The following CNTNAP3 variants were observed in gnomAD, a reference collection of about 807,000 sequenced individuals.
CNTNAP3 encodes the protein contactin associated protein family member 3.
Under a neutral mutation model 92.1 loss-of-function variants are expected in CNTNAP3, and 36 were observed. The ratio of observed to expected loss-of-function variants is 0.39; its 90% CI spans 0.30 to 0.52. The LOEUF is 0.52. CNTNAP3 is among the 20% of genes least tolerant of loss of function. The pLI, the probability that CNTNAP3 is intolerant of heterozygous loss-of-function variation, is 0.76. For synonymous variants in CNTNAP3, 232 were observed against 422.3 expected (o/e 0.55, Z 5.53); for missense variants, 534 against 1,069.6 (o/e 0.50, Z 6.98).
chr9:39,095,448 G>T (rs935343710), intron 18 of CNTNAP3, among the ~76,000 whole-genome samples: 1 of 150,274 alleles, frequency 6.7e-6, no homozygotes, highest in Non-Finnish European at 1.5e-5. Flanking sequence ...TTAATTGCAG[G>T]TTTTTCATAT....
intron 9 of CNTNAP3, among the ~76,000 whole-genome samples, chr9:39,156,306 G>GA (rs1821956872): frequency 7.4e-6 from 1 of 134,492 alleles, no homozygotes; most frequent in South Asian, 2.4e-4. Context: ...AAATTCACTG[G>GA]AAAAACTAGG....
At chr9:39,089,387 T>C (rs548945621) in intron 18 of CNTNAP3, among the ~76,000 whole-genome samples, 188 of 152,362 alleles carry the variant, frequency 1.2e-3, no homozygotes, top group African/African-American at 4.3e-3. Flanking sequence ...TATCAGTATT[T>C]TATGCGTTTT....
chr9:39,138,313 C>T (rs1304566814), intron 12 of CNTNAP3, among the ~76,000 whole-genome samples: 1 of 152,090 alleles, frequency 6.6e-6, no homozygotes, highest in East Asian at 1.9e-4. Flanking sequence ...GGTCTGAGTC[C>T]TTTAGGGAGC....
intron 18 of CNTNAP3, among the ~76,000 whole-genome samples, chr9:39,092,567 T>C (rs910490071): frequency 7.3e-6 from 1 of 137,692 alleles, no homozygotes; most frequent in Non-Finnish European, 1.6e-5. Flanking sequence ...TTTCATCTCA[T>C]TGTGTTTTAA....
chr9:39,133,370 A>C (rs1468183673), intron 12 of CNTNAP3, among the ~76,000 whole-genome samples: 3 of 152,142 alleles, frequency 2.0e-5, no homozygotes, highest in Admixed American at 2.0e-4. Context: ...TCACGCCTAA[A>C]AGTGTATCAT....
intron 13 of CNTNAP3, among the ~76,000 whole-genome samples, chr9:39,126,769 G>A (rs1821161604): frequency 1.3e-5 from 2 of 151,636 alleles, no homozygotes; most frequent in Admixed American, 1.3e-4. Context: ...GAAAACTGAT[G>A]GAGCAGAATG....
At chr9:39,136,225 G>C (rs369385955) in intron 12 of CNTNAP3, among the ~76,000 whole-genome samples, 9 of 151,802 alleles carry the variant, frequency 5.9e-5, no homozygotes, top group Non-Finnish European at 1.0e-4. Flanking sequence ...TAGTGAAGTC[G>C]CAATATTGTA....
rs550720684 is a variant in CNTNAP3, at chr9:39,111,742, C to T, written c.2238-2455G>A. Among the ~76,000 whole-genome samples the T allele has an allele frequency of 1.5e-4, 23 of 152,144 alleles. No homozygotes were observed. In the East Asian group the frequency reaches 4.4e-3, roughly 29 times the overall value. ...CTTGTATTTTAAAAGATCTATTTCA[C>T]GGGAGCTCCAAGTTTCATTCCATTT... On this transcript the variant is annotated intron_variant, in intron 14 of 23. Transcript: ENST00000297668.
intron 13 of CNTNAP3, among the ~76,000 whole-genome samples, chr9:39,124,819 C>T (rs1205325163): frequency 6.6e-6 from 1 of 152,164 alleles, no homozygotes; most frequent in African/African-American, 2.4e-5. Flanking sequence ...TACCATTTCA[C>T]ACCAGTTAGA....
chr9:39,133,101 G>T lies in CNTNAP3; in HGVS notation c.1911C>A (p.Gly637=). 6.4e-7 allele frequency: 1 copy of T among 1,573,554 alleles called. No homozygotes were observed. Among genetic ancestry groups the T allele is most frequent in the Non-Finnish European group, 8.6e-7 (1 of 1,165,734 alleles). Residue 637 remains glycine (G), a synonymous_variant, in exon 13 of 24, where the codon GGC becomes GGA. Transcript: ENST00000297668. ...CACCTCGGAGGGTCACCGCGTCGGG[G>T]CCACCGTGCTGCACCACCGTCCACG... The part of the protein sequence containing the change: ...DAAWTVVQHG[G]PDAVTLRGAP...
At chr9:39,131,499 C>T (rs1587723605) in intron 13 of CNTNAP3, among the ~76,000 whole-genome samples, 1 of 151,452 alleles carries the variant, frequency 6.6e-6, no homozygotes, top group South Asian at 2.1e-4. Context: ...ACCCAGATGC[C>T]GACTGCACAG....
intron 18 of CNTNAP3, among the ~76,000 whole-genome samples, chr9:39,096,563 C>G (rs1247655588): frequency 3.3e-5 from 5 of 151,058 alleles, no homozygotes; most frequent in Non-Finnish European, 7.4e-5. Context: ...AGGAACATTC[C>G]AGTTCCACTC....
intron 10 of CNTNAP3, among the ~76,000 whole-genome samples, chr9:39,146,261 G>A (rs1468104646): frequency 6.6e-6 from 1 of 152,128 alleles, no homozygotes; most frequent in Non-Finnish European, 1.5e-5. Flanking sequence ...AGGTGAGGAG[G>A]TGACGGAGGC....
intron 8 of CNTNAP3, among the ~76,000 whole-genome samples, chr9:39,168,173 C>G (rs930775428): frequency 6.2e-5 from 8 of 129,760 alleles, no homozygotes; most frequent in Non-Finnish European, 1.7e-5. Context: ...CCCGCCACCA[C>G]GCCTGGCTAA....
Position 39,067,396 on chromosome 9 carries a change from G to T in CNTNAP3, c.*6494C>A, listed in dbSNP as rs1398364257. Among the ~76,000 whole-genome samples the T allele has an allele frequency of 1.3e-3, 189 of 150,920 alleles. No individual in the cohort carries two copies. In the Middle Eastern group the frequency reaches 0.019, roughly 15 times the overall value. ...ATACCAGACATTGTGATTTTACCTC[G>T]TTGGGTGTTGGATTTTTTTTTGATG... On this transcript the variant is annotated 3_prime_UTR_variant, in exon 24 of 24. Transcript: ENST00000297668.
At chr9:39,118,349 G>A (rs2117963951) in intron 13 of CNTNAP3, 90 bp from the exon 14 acceptor site, 1 of 1,545,626 alleles carries the variant, frequency 6.5e-7, no homozygotes, top group East Asian at 2.2e-5. Context: ...GGTGTAAAGT[G>A]TATGTGTGAG....
At chr9:39,150,213 T>C (rs1195998699) in intron 9 of CNTNAP3, among the ~76,000 whole-genome samples, 2 of 151,644 alleles carry the variant, frequency 1.3e-5, no homozygotes, top group Non-Finnish European at 2.9e-5. Flanking sequence ...AAAATTCCTA[T>C]AACAGGAATT....
At chr9:39,079,088 C>T (rs1825868239) in intron 21 of CNTNAP3, among the ~76,000 whole-genome samples, 168 bp from the exon 22 acceptor site, 2 of 151,626 alleles carry the variant, frequency 1.3e-5, no homozygotes, top group Non-Finnish European at 2.9e-5. Context: ...CTTTACCTGT[C>T]TGGCAACTAT....
At chr9:39,106,320 T>TCA (rs1370491949) in intron 15 of CNTNAP3, among the ~76,000 whole-genome samples, 2 of 152,196 alleles carry the variant, frequency 1.3e-5, no homozygotes, top group Non-Finnish European at 2.9e-5. Flanking sequence ...AGATGAGGTC[T>TCA]CACTTTGTCA....
Sources: allele counts gnomAD v4.1 joint callset (sites outside exome capture counted in the v4.1 genomes callset), GRCh38; gene constraint gnomAD v4.1.1; transcripts MANE v1.5; gene names NCBI Gene and HGNC (gene_info 2026-07-23, HGNC 2026-07-21).